RAD51B: variants seen among roughly 807,000 people sequenced by gnomAD.
The protein encoded by RAD51B is DNA repair protein RAD51 homolog 2.
A neutral mutation model predicts 42.2 loss-of-function variants in RAD51B; 38 were observed. The observed-to-expected ratio is 0.90, with a 90% confidence interval of 0.70 to 1.18. The LOEUF (loss-of-function observed/expected upper bound fraction) is 1.18, where lower values mean the gene tolerates loss of function less well. RAD51B is among the 50% of genes most tolerant of loss of function. RAD51B has a pLI of 0.00. For synonymous variants in RAD51B, 154 were observed against 145.2 expected (o/e 1.06, Z -0.43); for missense variants, 373 against 400.7 (o/e 0.93, Z 0.59).
chr14:68,171,278 C>T (rs1256203211), intron 7 of RAD51B, among the ~76,000 whole-genome samples: 5 of 152,096 alleles, frequency 3.3e-5, no homozygotes, highest in African/African-American at 1.2e-4. Flanking sequence ...TTCAAGACTA[C>T]AGCGTCCTAT....
chr14:67,848,492 C>T (rs2041697800), intron 4 of RAD51B, among the ~76,000 whole-genome samples: 1 of 152,084 alleles, frequency 6.6e-6, no homozygotes, highest in Non-Finnish European at 1.5e-5. Context: ...TGAGATGGGT[C>T]TCTTGAAGAC....
chr14:68,627,226 T>A (rs896569874), intron 10 of RAD51B: 3 of 152,230 alleles, frequency 2.0e-5, no homozygotes, highest in Non-Finnish European at 2.9e-5. Flanking sequence ...CACAATCTGG[T>A]GCCAATGATG....
chr14:67,927,931 A>G (rs925514583), intron 7 of RAD51B, among the ~76,000 whole-genome samples: 2 of 151,320 alleles, frequency 1.3e-5, no homozygotes, highest in African/African-American at 4.9e-5. Context: ...AGACTTTTCC[A>G]TTTATCTTCA....
chr14:68,283,118 A>G (rs1427127448), intron 7 of RAD51B, among the ~76,000 whole-genome samples: 1 of 152,222 alleles, frequency 6.6e-6, no homozygotes, highest in Non-Finnish European at 1.5e-5. Context: ...TGAGGGACCG[A>G]TCACAAAGCT....
chr14:68,108,793 T>G (rs1260646169), intron 7 of RAD51B, among the ~76,000 whole-genome samples: 1 of 151,956 alleles, frequency 6.6e-6, no homozygotes, highest in Non-Finnish European at 1.5e-5. Flanking sequence ...ATAAAATTGT[T>G]ACGTATATAT....
intron 10 of RAD51B, among the ~76,000 whole-genome samples, chr14:68,561,174 A>G (rs1889129287): frequency 6.6e-6 from 1 of 152,152 alleles, no homozygotes; most frequent in African/African-American, 2.4e-5. Context: ...TCCCAAATAC[A>G]CAACAAGCTC....
chr14:68,649,963 T>C (rs1433244794), intron 10 of RAD51B, among the ~76,000 whole-genome samples: 1 of 152,204 alleles, frequency 6.6e-6, no homozygotes, highest in Admixed American at 6.5e-5. Flanking sequence ...TGCCTCGCTA[T>C]GGTGGTGGCC....
At chr14:68,623,945 T>C (rs1294109292) in intron 10 of RAD51B, among the ~76,000 whole-genome samples, 2 of 152,154 alleles carry the variant, frequency 1.3e-5, no homozygotes, top group Admixed American at 6.5e-5. Context: ...CCCCTCTGGG[T>C]TGGAAACACC....
At chr14:67,823,719 G>A in intron 2 of RAD51B, 92 bp downstream of exon 2, 1 of 928,484 alleles carries the variant, frequency 1.1e-6, no homozygotes, top group Non-Finnish European at 1.6e-6. Flanking sequence ...TGAAAATGTA[G>A]GCTTACAAAA....
In RAD51B at chr14:67,875,154, G is replaced by C. The variant is rs115837296; in HGVS notation, c.452+10015G>C. Among the ~76,000 whole-genome samples the C allele has an allele frequency of 8.2e-3, 1,247 of 152,258 alleles. 14 individuals are homozygous for C. Among genetic ancestry groups the C allele is most frequent in the African/African-American group, 0.028 (1,175 of 41,566 alleles). ...AGGAGGTAGAAGTGGATATTCCTGA[G>C]TTGTAATGAAATCAGAAAAGCTTTG... On this transcript the variant is annotated intron_variant, in intron 5 of 10. Transcript: ENST00000471583.
chr14:68,526,360 G>A (rs776917741), intron 10 of RAD51B, among the ~76,000 whole-genome samples: 3 of 152,204 alleles, frequency 2.0e-5, no homozygotes, highest in South Asian at 2.1e-4. Context: ...TCTAGGTTGT[G>A]TAAGTATACT....
intron 8 of RAD51B, among the ~76,000 whole-genome samples, chr14:68,385,169 A>G (rs2083566123): frequency 1.3e-5 from 2 of 152,104 alleles, no homozygotes; most frequent in African/African-American, 2.4e-5. Context: ...GAGACTGCTC[A>G]GCTCGACCCT....
chr14:67,986,958 C>A (rs2075205023), intron 7 of RAD51B, among the ~76,000 whole-genome samples: 1 of 152,196 alleles, frequency 6.6e-6, no homozygotes, highest in Non-Finnish European at 1.5e-5. Flanking sequence ...TCTCAAACTC[C>A]TGACCTCGGG....
chr14:68,465,296 A>G (rs1046732505), intron 9 of RAD51B, among the ~76,000 whole-genome samples: 1 of 151,324 alleles, frequency 6.6e-6, no homozygotes, highest in African/African-American at 2.4e-5. Context: ...CTTTTTTACC[A>G]CTCTTTCTGG....
intron 7 of RAD51B, among the ~76,000 whole-genome samples, chr14:68,257,260 T>C (rs1410792376): frequency 1.3e-5 from 2 of 152,210 alleles, no homozygotes; most frequent in African/African-American, 4.8e-5. Flanking sequence ...AGAAAACATT[T>C]TGAGTAGATA....
chr14:68,206,519 T>C (rs1047927392), intron 7 of RAD51B, among the ~76,000 whole-genome samples: 4 of 152,150 alleles, frequency 2.6e-5, no homozygotes. Context: ...AAGCAGGAGC[T>C]TTTTCTTCTC....
At chr14:68,485,892 T>C (rs953261713) in intron 10 of RAD51B, among the ~76,000 whole-genome samples, 5 of 152,258 alleles carry the variant, frequency 3.3e-5, no homozygotes, top group African/African-American at 1.2e-4. Flanking sequence ...TCACGTGTGG[T>C]GTTGCCCTAT....
chr14:68,026,453 T>TC (rs1394288269), intron 7 of RAD51B, among the ~76,000 whole-genome samples: 1 of 152,076 alleles, frequency 6.6e-6, no homozygotes, highest in Non-Finnish European at 1.5e-5. Flanking sequence ...GGCATTGAAG[T>TC]CCCCCTCTAT....
At chr14:68,483,487 T>C (rs1015319744) in intron 10 of RAD51B, among the ~76,000 whole-genome samples, 2 of 152,112 alleles carry the variant, frequency 1.3e-5, no homozygotes, top group African/African-American at 2.4e-5. Context: ...TGGGAAGGGA[T>C]AGTGGGTTCA....
Sources: allele counts gnomAD v4.1 joint callset (sites outside exome capture counted in the v4.1 genomes callset), GRCh38; gene constraint gnomAD v4.1.1; transcripts MANE v1.5; gene names NCBI Gene and HGNC (gene_info 2026-07-23, HGNC 2026-07-21).